The following SCAPER variants were observed in gnomAD, a reference collection of about 807,000 sequenced individuals.
The protein encoded by SCAPER is S-phase cyclin A associated protein in the ER.
SCAPER carries 98 observed loss-of-function variants against 182.2 expected under a neutral mutation model. The observed-to-expected ratio is 0.54, with a 90% confidence interval of 0.46 to 0.64. The LOEUF (loss-of-function observed/expected upper bound fraction) is 0.64. Among genes scored for constraint, SCAPER ranks in the 30% least tolerant of loss-of-function variants. The probability of loss-of-function intolerance (pLI) is 0.00; values close to 1 mark genes in which losing one functional copy is unlikely to be tolerated. For missense variants in SCAPER, 1,432 were observed against 1,690.0 expected (o/e 0.85, Z 2.68); for synonymous variants, 605 against 564.6 (o/e 1.07, Z -1.01).
At chr15:76,784,573 G>C (rs942196556) in intron 8 of SCAPER, among the ~76,000 whole-genome samples, 2 of 152,192 alleles carry the variant, frequency 1.3e-5, no homozygotes, top group African/African-American at 4.8e-5. Context: ...AGCCCGCATT[G>C]TCAAGACAAT....
intron 28 of SCAPER, chr15:76,380,325 G>A (rs1473026102): frequency 6.6e-6 from 1 of 152,034 alleles, no homozygotes; most frequent in African/African-American, 2.4e-5. Context: ...AGACAGAAAA[G>A]CATTAACCCA....
At chr15:76,735,707 AAAAAAAGAAAG>A (rs1236538545) in intron 15 of SCAPER, among the ~76,000 whole-genome samples, 3 of 151,834 alleles carry the variant, frequency 2.0e-5, no homozygotes, top group Admixed American at 2.0e-4. Flanking sequence ...CAAAAAAAAA[AAAAAAAGAAAG>A]AAAAAAAGAT....
At chr15:76,682,554 A>T (rs987511879) in intron 20 of SCAPER, among the ~76,000 whole-genome samples, 24 of 151,846 alleles carry the variant, frequency 1.6e-4, no homozygotes, top group African/African-American at 5.8e-4. Context: ...CATAGCCAAC[A>T]TGAGTATACC....
intron 4 of SCAPER, among the ~76,000 whole-genome samples, chr15:76,853,182 A>G (rs567952252): frequency 5.3e-5 from 8 of 152,322 alleles, no homozygotes; most frequent in Non-Finnish European, 8.8e-5. Flanking sequence ...TGAATCAGTA[A>G]TAAGTAGCCT....
At chr15:76,671,066 T>C (rs977452190) in intron 20 of SCAPER, among the ~76,000 whole-genome samples, 1 of 152,146 alleles carries the variant, frequency 6.6e-6, no homozygotes, top group Non-Finnish European at 1.5e-5. Context: ...AAAGGTTTGG[T>C]GCAGGGGCTC....
intron 1 of SCAPER, among the ~76,000 whole-genome samples, chr15:76,900,165 C>A (rs886822332): frequency 4.6e-5 from 7 of 151,488 alleles, no homozygotes; most frequent in African/African-American, 1.7e-4. Context: ...GTCATCACCA[C>A]TCCCTAATCT....
rs563295465 is a variant in SCAPER at position 76,602,445 on chromosome 15, C to A, written c.2711+19319G>T. Among the ~76,000 whole-genome samples, 37 of 121,188 alleles carry A rather than the reference C, an allele frequency of 3.1e-4. 9 individuals are homozygous for A. The highest frequency in any genetic ancestry group is 6.6e-4 in the Non-Finnish European group (33 of 49,894). The allele number at this position is 121,188 out of a possible 152,430, so 79.5% of individuals were successfully genotyped here. On this transcript the variant is annotated intron_variant, in intron 22 of 31. Coordinates refer to ENST00000563290, the MANE Select transcript of SCAPER (RefSeq NM_020843.4). ...TTGCTCCCATATAGGTAAGGTGTTT[C>A]TTTCCCCTTTGGTCTTTCAGGATTT...
intron 22 of SCAPER, among the ~76,000 whole-genome samples, chr15:76,594,341 C>T (rs1306928656): frequency 8.3e-6 from 1 of 120,644 alleles, no homozygotes; most frequent in Admixed American, 9.5e-5. Flanking sequence ...AAGAACACAA[C>T]TACGTTTGAT....
intron 17 of SCAPER, among the ~76,000 whole-genome samples, chr15:76,721,061 C>A (rs1478512968): frequency 1.3e-5 from 2 of 152,126 alleles, no homozygotes; most frequent in African/African-American, 2.4e-5. Context: ...GGTTTTAGGT[C>A]TAACCTTTAA....
intron 10 of SCAPER, among the ~76,000 whole-genome samples, chr15:76,770,760 T>C (rs1207987184): frequency 6.6e-6 from 1 of 152,110 alleles, no homozygotes; most frequent in Admixed American, 6.5e-5. Flanking sequence ...ACAAAATAAA[T>C]GACCAAATTC....
intron 25 of SCAPER, among the ~76,000 whole-genome samples, chr15:76,456,220 T>G (rs1328815055): frequency 6.6e-6 from 1 of 152,292 alleles, no homozygotes; most frequent in East Asian, 1.9e-4. Context: ...ATATTTCTGG[T>G]TCTAGATCCT....
chr15:76,531,639 G>C (rs988057793), intron 23 of SCAPER, among the ~76,000 whole-genome samples: 1 of 150,680 alleles, frequency 6.6e-6, no homozygotes, highest in Admixed American at 6.6e-5. Context: ...GATTAAATGT[G>C]TAAATATATG....
At chr15:76,607,453 T>C (rs997158885) in intron 22 of SCAPER, among the ~76,000 whole-genome samples, 3 of 152,224 alleles carry the variant, frequency 2.0e-5, no homozygotes, top group African/African-American at 7.2e-5. Context: ...CTTAACATTT[T>C]TTCCTTCATT....
At chr15:76,422,744 C>T (rs1028583614) in intron 26 of SCAPER, among the ~76,000 whole-genome samples, 7 of 152,098 alleles carry the variant, frequency 4.6e-5, no homozygotes, top group Admixed American at 3.9e-4. Context: ...CAGTATGATA[C>T]TGGCTGTGGG....
chr15:76,800,726 A>G (rs1192493160), intron 6 of SCAPER, among the ~76,000 whole-genome samples: 1 of 152,248 alleles, frequency 6.6e-6, no homozygotes, highest in Non-Finnish European at 1.5e-5. Context: ...TACTACTTCA[A>G]TCTACTTGTC....
chr15:76,436,822 T>C (rs1212605671), intron 25 of SCAPER, among the ~76,000 whole-genome samples: 1 of 152,166 alleles, frequency 6.6e-6, no homozygotes, highest in Non-Finnish European at 1.5e-5. Flanking sequence ...GAGTTTCAAT[T>C]TGGGTGATTA....
At chr15:76,353,159 A>G (rs2040709826) in intron 30 of SCAPER, among the ~76,000 whole-genome samples, 1 of 152,234 alleles carries the variant, frequency 6.6e-6, no homozygotes, top group South Asian at 2.1e-4. Flanking sequence ...AGAATATGGA[A>G]GAATACTAAT....
At chr15:76,587,776 A>G (rs2048778574) in intron 22 of SCAPER, among the ~76,000 whole-genome samples, 2 of 152,136 alleles carry the variant, frequency 1.3e-5, no homozygotes, top group South Asian at 4.1e-4. Context: ...GGGTAGAAAT[A>G]TCTGTTAAGT....
chr15:76,744,804 A>G (rs2061711018), intron 15 of SCAPER, among the ~76,000 whole-genome samples: 1 of 152,150 alleles, frequency 6.6e-6, no homozygotes, highest in African/African-American at 2.4e-5. Flanking sequence ...TGGAAAACAA[A>G]TTATTATACC....
Sources: gnomAD v4.1 joint callset for allele counts (sites outside exome capture counted in the v4.1 genomes callset) on GRCh38, gnomAD v4.1.1 for gene constraint, MANE v1.5 for transcripts, NCBI Gene and HGNC (gene_info 2026-07-23, HGNC 2026-07-21) for gene names.